DLG2: variants seen among roughly 807,000 people sequenced by gnomAD.
The protein encoded by DLG2 is discs large MAGUK scaffold protein 2.
DLG2 carries 45 observed loss-of-function variants against 132.5 expected under a neutral mutation model. The ratio of observed to expected loss-of-function variants is 0.34; its 90% CI spans 0.27 to 0.44. DLG2 has a LOEUF of 0.44. Among genes scored for constraint, DLG2 ranks in the 20% least tolerant of loss-of-function variants. The pLI is 1.00. For synonymous variants in DLG2, 424 were observed against 419.6 expected, an observed-to-expected ratio of 1.01 and a Z score of -0.13; for missense variants, 1,045 against 1,196.9, an observed-to-expected ratio of 0.87 and a Z score of 1.87.
intron 17 of DLG2, 54 bp from the exon 18 acceptor site, chr11:83,786,846 A>G: frequency 6.5e-7 from 1 of 1,549,894 alleles, no homozygotes; most frequent in Non-Finnish European, 8.9e-7. Context: ...TATTATCCTG[A>G]TAGAAGAAAA....
intron 3 of DLG2, among the ~76,000 whole-genome samples, chr11:85,563,374 T>C (rs1229728632): frequency 6.6e-6 from 1 of 151,360 alleles, no homozygotes; most frequent in East Asian, 1.9e-4. Context: ...TTTTTCATAG[T>C]AGCCTCCATC....
chr11:83,935,628 A>G (rs1388110536), intron 14 of DLG2, among the ~76,000 whole-genome samples: 1 of 152,158 alleles, frequency 6.6e-6, no homozygotes, highest in Non-Finnish European at 1.5e-5. Flanking sequence ...TGAATTGGGC[A>G]CTCAAGAATT....
At chr11:84,703,751 G>C (rs2059441362) in intron 6 of DLG2, among the ~76,000 whole-genome samples, 1 of 150,394 alleles carries the variant, frequency 6.6e-6, no homozygotes, top group African/African-American at 2.4e-5. Flanking sequence ...TGTTAAATAA[G>C]AGAATAAAAA....
At chr11:83,699,909 C>G (rs149795209) in intron 18 of DLG2, among the ~76,000 whole-genome samples, 71 of 143,354 alleles carry the variant, frequency 5.0e-4, no homozygotes, top group Non-Finnish European at 9.7e-4. Flanking sequence ...ATGTATGTAT[C>G]TATCTTATCT....
chr11:83,878,049 T>A (rs1457318015), intron 15 of DLG2, among the ~76,000 whole-genome samples: 1 of 152,224 alleles, frequency 6.6e-6, no homozygotes, highest in African/African-American at 2.4e-5. Flanking sequence ...TCAGATGGAA[T>A]TCTGAGAACT....
Position 83,957,614 on chromosome 11 carries a change from A to G in DLG2, c.1340+5271T>C, listed in dbSNP as rs76141142. Among the ~76,000 whole-genome samples the G allele has an allele frequency of 3.6e-3, 550 of 150,852 alleles. 2 individuals are homozygous for G. The highest frequency in any genetic ancestry group is 0.012 in the African/African-American group (487 of 41,086). On this transcript the variant is annotated intron_variant, in intron 14 of 27. Coordinates refer to ENST00000376104, the MANE Select transcript of DLG2 (RefSeq NM_001142699.3). ...CAGTTTTCCTGATTAGTACTCTTCA[A>G]TGAATTCTCAATGAACTTAAAATTA...
chr11:83,756,714 T>G (rs1453907245), intron 18 of DLG2, among the ~76,000 whole-genome samples: 1 of 151,416 alleles, frequency 6.6e-6, no homozygotes, highest in Non-Finnish European at 1.5e-5. Context: ...TCCAGCCCAG[T>G]TTTGAAAAAA....
At chr11:85,289,562 T>C (rs1295975230) in intron 3 of DLG2, among the ~76,000 whole-genome samples, 1 of 152,156 alleles carries the variant, frequency 6.6e-6, no homozygotes, top group Non-Finnish European at 1.5e-5. Flanking sequence ...GTTTGGAAAG[T>C]TGTAGGGGAT....
chr11:84,035,473 A>G (rs887487466), intron 11 of DLG2, among the ~76,000 whole-genome samples: 1 of 152,224 alleles, frequency 6.6e-6, no homozygotes, highest in African/African-American at 2.4e-5. Context: ...AGGCACAAAG[A>G]ATAGCCAACT....
intron 17 of DLG2, among the ~76,000 whole-genome samples, chr11:83,793,977 G>A (rs188318979): frequency 1.8e-4 from 27 of 152,232 alleles, no homozygotes; most frequent in African/African-American, 4.6e-4. Flanking sequence ...GATGAACCCC[G>A]TAAAGGAAGG....
rs150297070 is a variant in DLG2, at chr11:84,019,699, T to G, written c.920-39057A>C. ...GAAAATTTGGACACAGAAACAGACA[T>G]GCATACAGGGAGAATGACACGTGAA... On this transcript the variant is annotated intron_variant, in intron 11 of 27. Coordinates refer to ENST00000376104, the MANE Select transcript of DLG2 (RefSeq NM_001142699.3). Among the ~76,000 whole-genome samples the G allele has an allele frequency of 5.9e-5, 9 of 152,188 alleles. No individual in the cohort carries two copies. In the East Asian group the frequency reaches 1.7e-3, roughly 29 times the overall value.
intron 6 of DLG2, among the ~76,000 whole-genome samples, chr11:84,669,917 G>A (rs949715507): frequency 1.1e-4 from 16 of 152,134 alleles, no homozygotes; most frequent in Admixed American, 3.9e-4. Context: ...ACAAAGAAAG[G>A]TAAGACAAGA....
At chr11:84,525,739 G>C (rs1200048299) in intron 7 of DLG2, among the ~76,000 whole-genome samples, 1 of 152,036 alleles carries the variant, frequency 6.6e-6, no homozygotes, top group Non-Finnish European at 1.5e-5. Flanking sequence ...TCTACATAAG[G>C]TCCTTCATTA....
intron 4 of DLG2, among the ~76,000 whole-genome samples, chr11:85,213,520 A>G (rs1315172111): frequency 6.6e-6 from 1 of 152,184 alleles, no homozygotes; most frequent in African/African-American, 2.4e-5. Flanking sequence ...TGTCTGGGGT[A>G]TGAGAAGCAG....
Position 83,963,076 on chromosome 11 carries a change from G to A in DLG2, c.1202-53C>T, listed in dbSNP as rs573561972. 3,761 of 1,575,188 alleles carry A rather than the reference G, an allele frequency of 2.4e-3. 149 individuals are homozygous for A. The South Asian group carries it at 0.039, about 16-fold the overall frequency. The stretch of plus-strand genomic sequence containing the variant: ...AAACCTGTTATGTGGGTGATTCAAT[G>A]TGTCATGCTATACTTCAGAAAAATG... On this transcript the variant is annotated intron_variant, in intron 13 of 27. Coordinates refer to ENST00000376104, the MANE Select transcript of DLG2 (RefSeq NM_001142699.3).
chr11:84,086,983 C>T (rs1056144047), intron 10 of DLG2, among the ~76,000 whole-genome samples: 1 of 152,178 alleles, frequency 6.6e-6, no homozygotes, highest in Non-Finnish European at 1.5e-5. Context: ...GTTGTGCCAT[C>T]TGTCAGTACT....
chr11:84,728,042 C>T (rs759640368), intron 6 of DLG2, among the ~76,000 whole-genome samples: 1 of 151,552 alleles, frequency 6.6e-6, no homozygotes, highest in African/African-American at 2.4e-5. Flanking sequence ...TCTGCAGACA[C>T]AATTTGACTT....
chr11:83,485,600 T>C (rs1010143932), intron 21 of DLG2, among the ~76,000 whole-genome samples: 23 of 152,262 alleles, frequency 1.5e-4, no homozygotes, highest in African/African-American at 5.5e-4. Context: ...AAAACATTTT[T>C]GGCAATGGAA....
chr11:85,323,190 T>C (rs1374041322), intron 3 of DLG2, among the ~76,000 whole-genome samples: 3 of 152,204 alleles, frequency 2.0e-5, no homozygotes, highest in African/African-American at 7.2e-5. Context: ...TGACCTAATA[T>C]TAGTATTCTA....
Sources: gnomAD v4.1 joint callset for allele counts (sites outside exome capture counted in the v4.1 genomes callset) on GRCh38, gnomAD v4.1.1 for gene constraint, MANE v1.5 for transcripts, NCBI Gene and HGNC (gene_info 2026-07-23, HGNC 2026-07-21) for gene names.